The following MEIS2 variants were observed in gnomAD, a reference collection of about 807,000 sequenced individuals.
MEIS2 encodes the protein Meis homeobox 2.
MEIS2 carries 9 observed loss-of-function variants against 58.6 expected under a neutral mutation model. That is an observed-to-expected ratio of 0.15 (90% CI 0.09 to 0.27). The LOEUF is 0.27. MEIS2 is among the 10% of genes least tolerant of loss of function. MEIS2 has a pLI of 1.00. For synonymous variants in MEIS2, 221 were observed against 228.4 expected (o/e 0.97, Z 0.29); for missense variants, 427 against 635.0 (o/e 0.67, Z 3.52).
chr15:36,951,763 T>C (rs1257263582), intron 8 of MEIS2, among the ~76,000 whole-genome samples: 3 of 152,190 alleles, frequency 2.0e-5, no homozygotes, highest in African/African-American at 7.2e-5. Context: ...ATTTTTCTGA[T>C]TGCGAGGTGT....
rs113917304 is a variant in MEIS2, at chr15:37,018,375, C to T, written c.900+18439G>A. On this transcript the variant is annotated intron_variant, in intron 8 of 11. Transcript: ENST00000561208. ...GCATGTGCTTCAGAAGAAGGAGAAA[C>T]GTGGCAATCTAGCCAGTAAGACCCA... 4.1e-3 allele frequency among the ~76,000 whole-genome samples: 621 copies of T among 152,234 alleles called. 3 individuals carry two copies. Among genetic ancestry groups the T allele is most frequent in the African/African-American group, 0.014 (567 of 41,536 alleles).
intron 9 of MEIS2, among the ~76,000 whole-genome samples, chr15:36,916,132 G>A (rs1295325221): frequency 2.0e-5 from 3 of 151,316 alleles, no homozygotes; most frequent in Non-Finnish European, 4.4e-5. Context: ...TTTGTGGTAA[G>A]AGACAGGGTC....
chr15:37,006,508 CT>C (rs2060928709), intron 8 of MEIS2, among the ~76,000 whole-genome samples: 1 of 152,174 alleles, frequency 6.6e-6, no homozygotes, highest in Admixed American at 6.5e-5. Context: ...TATTGTTCAC[CT>C]TCAATCTATG....
At chr15:36,927,564 A>G (rs914095107) in intron 9 of MEIS2, among the ~76,000 whole-genome samples, 2 of 152,226 alleles carry the variant, frequency 1.3e-5, no homozygotes, top group African/African-American at 4.8e-5. Context: ...AGAGCCCTGT[A>G]TGAGTTCATT....
intron 8 of MEIS2, among the ~76,000 whole-genome samples, chr15:37,013,040 C>A (rs1382313764): frequency 2.6e-5 from 4 of 152,118 alleles, no homozygotes; most frequent in Non-Finnish European, 4.4e-5. Context: ...GGGGACCACA[C>A]AAGAACGCAA....
intron 9 of MEIS2, among the ~76,000 whole-genome samples, chr15:36,927,866 G>A (rs1467673323): frequency 6.6e-6 from 1 of 151,762 alleles, no homozygotes; most frequent in Non-Finnish European, 1.5e-5. Flanking sequence ...GTACCTCAAT[G>A]GTACACATTA....
At chr15:36,915,589 A>G (rs1335837012) in intron 9 of MEIS2, among the ~76,000 whole-genome samples, 1 of 152,136 alleles carries the variant, frequency 6.6e-6, no homozygotes, top group Non-Finnish European at 1.5e-5. Flanking sequence ...CTGTCATCTC[A>G]AGGGCCCCCT....
chr15:36,996,717 T>C (rs1367604861), intron 8 of MEIS2, among the ~76,000 whole-genome samples: 3 of 152,194 alleles, frequency 2.0e-5, no homozygotes, highest in Non-Finnish European at 4.4e-5. Flanking sequence ...CCTCTGAGGA[T>C]GACCTGACTG....
chr15:37,075,490 C>T (rs920505809), intron 7 of MEIS2, among the ~76,000 whole-genome samples: 1 of 151,978 alleles, frequency 6.6e-6, no homozygotes, highest in African/African-American at 2.4e-5. Context: ...TATATCCATA[C>T]GTTCCAAAGA....
chr15:36,943,705 C>T (rs2058456382), intron 9 of MEIS2, among the ~76,000 whole-genome samples: 1 of 152,048 alleles, frequency 6.6e-6, no homozygotes, highest in African/African-American at 2.4e-5. Flanking sequence ...AAGAAATATG[C>T]ATCCTGAGAT....
At chr15:37,037,827 A>G (rs2062227713) in intron 7 of MEIS2, among the ~76,000 whole-genome samples, 4 of 152,244 alleles carry the variant, frequency 2.6e-5, no homozygotes, top group Non-Finnish European at 4.4e-5. Context: ...GAAGGCATCA[A>G]TCAAGAGCAG....
intron 7 of MEIS2, among the ~76,000 whole-genome samples, chr15:37,071,418 T>G (rs912550207): frequency 2.0e-5 from 3 of 152,090 alleles, no homozygotes; most frequent in African/African-American, 7.2e-5. Context: ...CTTTTCTAGC[T>G]TTACAATTCA....
At chr15:36,919,438 C>T (rs760416779) in intron 9 of MEIS2, among the ~76,000 whole-genome samples, 1 of 151,854 alleles carries the variant, frequency 6.6e-6, no homozygotes, top group Admixed American at 6.6e-5. Context: ...ATTAGCTGGG[C>T]GTGGTGGCAC....
At chr15:37,043,159 T>C (rs1255820305) in intron 7 of MEIS2, among the ~76,000 whole-genome samples, 2 of 152,190 alleles carry the variant, frequency 1.3e-5, no homozygotes. Context: ...TTAGGGAACT[T>C]GTGGTACATT....
At chr15:37,039,583 G>A (rs2062326344) in intron 7 of MEIS2, among the ~76,000 whole-genome samples, 1 of 152,108 alleles carries the variant, frequency 6.6e-6, no homozygotes, top group South Asian at 2.1e-4. Context: ...AAAGAGGGCT[G>A]GTAACACCTT....
At chr15:37,047,240 C>T (rs879704778) in intron 7 of MEIS2, among the ~76,000 whole-genome samples, 1 of 152,156 alleles carries the variant, frequency 6.6e-6, no homozygotes, top group African/African-American at 2.4e-5. Flanking sequence ...AATGTCCACT[C>T]AAGTCCCAGC....
chr15:37,016,049 T>C (rs2061340115), intron 8 of MEIS2, among the ~76,000 whole-genome samples: 1 of 152,104 alleles, frequency 6.6e-6, no homozygotes, highest in Non-Finnish European at 1.5e-5. Context: ...CCAGTATTCT[T>C]TGATCCAGGA....
At chr15:37,072,055 C>T (rs999550418) in intron 7 of MEIS2, among the ~76,000 whole-genome samples, 3 of 152,072 alleles carry the variant, frequency 2.0e-5, no homozygotes, top group Non-Finnish European at 2.9e-5. Context: ...CATGTAATGT[C>T]AGTCCTCTCC....
intron 6 of MEIS2, among the ~76,000 whole-genome samples, chr15:37,084,743 A>G (rs763877064): frequency 3.3e-5 from 5 of 152,150 alleles, no homozygotes; most frequent in Admixed American, 1.3e-4. Context: ...CCTTTTCCTG[A>G]TCATTCCCAA....
Sources: allele counts gnomAD v4.1 joint callset (sites outside exome capture counted in the v4.1 genomes callset), GRCh38; gene constraint gnomAD v4.1.1; transcripts MANE v1.5; gene names NCBI Gene and HGNC (gene_info 2026-07-23, HGNC 2026-07-21).